Variants in ROBO1 observed in about 807,000 individuals in gnomAD.
ROBO1 encodes the protein roundabout homolog 1.
In ROBO1, 149 loss-of-function variants were observed where a neutral mutation model predicts 195.9. The ratio of observed to expected loss-of-function variants is 0.76; its 90% CI spans 0.67 to 0.87. ROBO1 has a LOEUF of 0.87. ROBO1 is among the 40% of genes least tolerant of loss of function. The probability of loss-of-function intolerance (pLI) is 0.00; values close to 1 mark genes in which losing one functional copy is unlikely to be tolerated. For synonymous variants in ROBO1, 816 were observed against 733.2 expected, an observed-to-expected ratio of 1.11 and a Z score of -1.82; for missense variants, 1,933 against 2,068.3, an observed-to-expected ratio of 0.93 and a Z score of 1.27.
intron 1 of ROBO1, among the ~76,000 whole-genome samples, chr3:79,637,176 G>A (rs1241760021): frequency 6.6e-6 from 1 of 152,132 alleles, no homozygotes; most frequent in African/African-American, 2.4e-5. Context: ...CCCTGAAATA[G>A]AACAAGTAAT....
At position 79,640,499 on chromosome 3, in the gene ROBO1, A is replaced by G. The variant is rs1377116682; in HGVS notation, c.-50-50538T>C. On this transcript the variant is annotated intron_variant, in intron 1 of 30. Transcript: ENST00000464233. The stretch of plus-strand genomic sequence containing the variant: ...AAAATAGACTAATACACTGCCCATG[A>G]ATTTTTTGGGTGGTCTAATTTTACT... 2.6e-5 allele frequency among the ~76,000 whole-genome samples: 4 copies of G among 151,942 alleles called. No individual in the cohort carries two copies. The East Asian group carries it at 7.7e-4, about 29-fold the overall frequency.
chr3:79,335,731 A>G (rs1000243385), intron 2 of ROBO1, among the ~76,000 whole-genome samples: 15 of 152,158 alleles, frequency 9.9e-5, no homozygotes, highest in Non-Finnish European at 2.1e-4. Context: ...GTGCTGCTAT[A>G]AAGATACCTG....
intron 4 of ROBO1, among the ~76,000 whole-genome samples, chr3:78,787,276 C>T (rs1047255939): frequency 6.6e-6 from 1 of 152,028 alleles, no homozygotes; most frequent in Non-Finnish European, 1.5e-5. Flanking sequence ...TAGGCATATA[C>T]CAGTATTTCA....
intron 4 of ROBO1, among the ~76,000 whole-genome samples, chr3:78,757,078 G>C (rs947534595): frequency 6.6e-6 from 1 of 152,090 alleles, no homozygotes; most frequent in Non-Finnish European, 1.5e-5. Context: ...TTTTAGTAGA[G>C]ACAGGGTTTC....
At chr3:78,968,707 A>G (rs2076701189) in intron 3 of ROBO1, among the ~76,000 whole-genome samples, 1 of 152,100 alleles carries the variant, frequency 6.6e-6, no homozygotes, top group South Asian at 2.1e-4. Context: ...TTTCTAGGTC[A>G]ATTCAATAAC....
intron 4 of ROBO1, among the ~76,000 whole-genome samples, chr3:78,809,268 A>G (rs2084651020): frequency 1.3e-5 from 2 of 152,234 alleles, no homozygotes; most frequent in Admixed American, 1.3e-4. Flanking sequence ...TCATTAGAGA[A>G]ACGCAAATCA....
intron 5 of ROBO1, among the ~76,000 whole-genome samples, chr3:78,725,893 C>T (rs1050159162): frequency 6.6e-6 from 1 of 151,594 alleles, no homozygotes; most frequent in African/African-American, 2.4e-5. Context: ...ATTTTCTACC[C>T]TAAAGCAAGT....
intron 1 of ROBO1, among the ~76,000 whole-genome samples, chr3:79,621,292 T>C (rs899108368): frequency 2.0e-5 from 3 of 152,198 alleles, no homozygotes; most frequent in African/African-American, 7.2e-5. Context: ...AATTTTCCAC[T>C]ATCTACCCAA....
intron 1 of ROBO1, among the ~76,000 whole-genome samples, chr3:79,599,710 A>G (rs1317966064): frequency 6.6e-6 from 1 of 152,046 alleles, no homozygotes; most frequent in Non-Finnish European, 1.5e-5. Flanking sequence ...ATAAAGGCAA[A>G]TGTAAAGACA....
chr3:79,182,542 G>GGTGTGTGTGTGTGTGTGT (rs71127377), intron 2 of ROBO1, among the ~76,000 whole-genome samples: 124 of 148,542 alleles, frequency 8.3e-4, no homozygotes, highest in African/African-American at 2.9e-3. Flanking sequence ...CTGGGGCACA[G>GGTGTGTGTGTGTGTGTGT]GTGTGTGTGT....
At chr3:79,204,009 A>G (rs1271294805) in intron 2 of ROBO1, among the ~76,000 whole-genome samples, 2 of 152,072 alleles carry the variant, frequency 1.3e-5, no homozygotes, top group Non-Finnish European at 2.9e-5. Context: ...ATGTGTTTTA[A>G]TAGGCAGAAA....
intron 2 of ROBO1, among the ~76,000 whole-genome samples, chr3:79,441,461 T>C (rs2039051204): frequency 6.6e-6 from 1 of 152,170 alleles, no homozygotes; most frequent in Non-Finnish European, 1.5e-5. Flanking sequence ...AGTTTTTAAG[T>C]AAATAACTAA....
At chr3:79,498,481 T>C (rs1359809792) in intron 2 of ROBO1, among the ~76,000 whole-genome samples, 1 of 152,194 alleles carries the variant, frequency 6.6e-6, no homozygotes, top group African/African-American at 2.4e-5. Context: ...AAGATGAGAA[T>C]CTTATTTCTG....
intron 16 of ROBO1, 114 bp from the exon 17 acceptor site, chr3:78,659,921 T>G: frequency 3.1e-5 from 1 of 32,644 alleles, no homozygotes; most frequent in East Asian, 7.1e-4. Context: ...ATATATGCTT[T>G]TTTTTTTTTT....
chr3:78,689,810 A>G (rs1417711100), intron 8 of ROBO1, among the ~76,000 whole-genome samples: 1 of 151,970 alleles, frequency 6.6e-6, no homozygotes, highest in Non-Finnish European at 1.5e-5. Context: ...ACTTAAATCA[A>G]TCACTTAGGG....
At chr3:79,186,251 G>T (rs1456996833) in intron 2 of ROBO1, among the ~76,000 whole-genome samples, 1 of 151,208 alleles carries the variant, frequency 6.6e-6, no homozygotes, top group Non-Finnish European at 1.5e-5. Context: ...ATGTTCAACT[G>T]TCCTTCTTTA....
At chr3:79,031,497 A>G (rs1057303729) in intron 3 of ROBO1, among the ~76,000 whole-genome samples, 2 of 152,218 alleles carry the variant, frequency 1.3e-5, no homozygotes, top group Admixed American at 6.5e-5. Flanking sequence ...ACGAAGCACA[A>G]TGTTCATTTC....
rs36005240 is a variant in ROBO1 at position 78,831,771 on chromosome 3, A to G, written c.500-84871T>C. ...GGGGAGGCCTCACAATCATGGTGGA[A>G]AGCAAAGGATGAGCAAAGTCACATC... On this transcript the variant is annotated intron_variant, in intron 4 of 30. Transcript: ENST00000464233. Among the ~76,000 whole-genome samples, 542 of 152,338 alleles carry G rather than the reference A, an allele frequency of 3.6e-3. 2 individuals carry two copies. Among genetic ancestry groups the G allele is most frequent in the Middle Eastern group, 0.01 (3 of 294 alleles).
At position 79,616,851 on chromosome 3, in the gene ROBO1, G is replaced by T. The variant is rs183834563; in HGVS notation, c.-50-26890C>A. Among the ~76,000 whole-genome samples the T allele has an allele frequency of 3.5e-3, 526 of 152,236 alleles. 6 individuals carry two copies. Among genetic ancestry groups the T allele is most frequent in the African/African-American group, 0.012 (507 of 41,552 alleles). ...CTGCCTGTCCAGACTTGCACGAAGG[G>T]TTGTGCTCATGTCCCACTCCATATG... On this transcript the variant is annotated intron_variant, in intron 1 of 30. Coordinates refer to ENST00000464233, the MANE Select transcript of ROBO1 (RefSeq NM_002941.4).
Sources: gnomAD v4.1 joint callset for allele counts (sites outside exome capture counted in the v4.1 genomes callset) on GRCh38, gnomAD v4.1.1 for gene constraint, MANE v1.5 for transcripts, NCBI Gene and HGNC (gene_info 2026-07-23, HGNC 2026-07-21) for gene names.